The following CRYBG3 variants were observed in gnomAD, a reference collection of about 807,000 sequenced individuals.
CRYBG3 encodes the protein very large A-kinase anchor protein.
In CRYBG3, 127 loss-of-function variants were observed where a neutral mutation model predicts 244.2. The observed-to-expected ratio is 0.52, with a 90% CI of 0.45 to 0.60. The LOEUF is 0.60. CRYBG3 is among the 20% of genes least tolerant of loss of function. The pLI is 0.00. For missense variants in CRYBG3, 3,325 were observed against 3,442.5 expected (o/e 0.97, Z 0.85); for synonymous variants, 1,132 against 1,195.8 (o/e 0.95, Z 1.10).
At chr3:97,884,914 A>G (rs1485957229) in intron 7 of CRYBG3, among the ~76,000 whole-genome samples, 1 of 152,094 alleles carries the variant, frequency 6.6e-6, no homozygotes, top group Non-Finnish European at 1.5e-5. Context: ...TTTCCCTTTT[A>G]GAGTACACCA....
At chr3:97,867,321 GCTTT>G (rs1302934868) in intron 3 of CRYBG3, among the ~76,000 whole-genome samples, 8 of 152,134 alleles carry the variant, frequency 5.3e-5, no homozygotes, top group Non-Finnish European at 5.9e-5. Flanking sequence ...AACCTGTTAT[GCTTT>G]GAAGAGAGTG....
intron 4 of CRYBG3, among the ~76,000 whole-genome samples, chr3:97,878,708 A>G (rs2039412570): frequency 6.6e-6 from 1 of 152,222 alleles, no homozygotes; most frequent in South Asian, 2.1e-4. Flanking sequence ...TTCATGAAAA[A>G]TCTTTCTGTT....
rs763735726 is a variant in CRYBG3 at position 97,877,303 on chromosome 3, C to CACA, written c.6109_6110insACA (p.Leu2037delinsHisMet). ...TACGTCCGCTGACAGCATGCCTGTT[C>CACA]TGGCATGTGAAAGGTCTGAGAGTAG... On this transcript the variant is annotated protein_altering_variant, in exon 4 of 22. Transcript: ENST00000389622. 2 of 1,614,096 alleles carry CACA rather than the reference C, an allele frequency of 1.2e-6. No individual in the cohort carries two copies. Among genetic ancestry groups the CACA allele is most frequent in the South Asian group, 2.2e-5 (2 of 91,068 alleles).
At position 97,872,833 on chromosome 3, in the gene CRYBG3, G is replaced by C; in HGVS notation, c.1639G>C (p.Ala547Pro). 1.3e-6 allele frequency: 2 copies of C among 1,535,908 alleles called. No individual in the cohort carries two copies. The highest frequency in any genetic ancestry group is 1.7e-6 in the Non-Finnish European group (2 of 1,146,802). Reference sequence around the variant, plus strand: ...ATCCATAGCTTCAAGTCATGTAAAAGCTCCAGAAGATAAAATTGAGTCATT... The same window carrying C: ...ATCCATAGCTTCAAGTCATGTAAAACCTCCAGAAGATAAAATTGAGTCATT... Reference protein sequence around the residue: ...GESIASSHVKAPEDKIESLPK... With the variant: ...GESIASSHVKPPEDKIESLPK... The change falls in exon 4 of 22, where the codon GCT becomes CCT. Residue 547 changes from alanine to proline, a missense_variant. Physicochemically the swap from Ala to Pro is conservative, Grantham distance 27. Transcript: ENST00000389622.
chr3:97,844,139 A>C (rs1467637526), intron 2 of CRYBG3, among the ~76,000 whole-genome samples: 2 of 152,170 alleles, frequency 1.3e-5, no homozygotes, highest in Non-Finnish European at 2.9e-5. Context: ...AAGTTGTTTT[A>C]ATTCTTTATT....
chr3:97,847,946 G>T (rs1397983322), intron 2 of CRYBG3, among the ~76,000 whole-genome samples: 2 of 152,076 alleles, frequency 1.3e-5, no homozygotes, highest in African/African-American at 4.8e-5. Context: ...TTATTACAAA[G>T]AACCGCATTT....
intron 21 of CRYBG3, chr3:97,942,657 G>A: frequency 4.6e-6 from 2 of 430,986 alleles, no homozygotes; most frequent in South Asian, 1.1e-4. Context: ...CATTAGTACA[G>A]TTGTAAAACT....
At chr3:97,847,124 C>T (rs1275922119) in intron 2 of CRYBG3, among the ~76,000 whole-genome samples, 1 of 152,122 alleles carries the variant, frequency 6.6e-6, no homozygotes, top group East Asian at 1.9e-4. Context: ...AAGGACACCA[C>T]AAAGCCATCC....
At chr3:97,898,820 A>G (rs1269716978) in intron 12 of CRYBG3, 63 bp from the exon 13 acceptor site, 1 of 1,206,500 alleles carries the variant, frequency 8.3e-7, no homozygotes, top group Non-Finnish European at 1.2e-6. Context: ...ATTTTGCTAG[A>G]TAATAGCAGT....
At position 97,864,495 on chromosome 3, in the gene CRYBG3, C is replaced by G; in HGVS notation, c.495C>G (p.Asp165Glu). 1.3e-6 allele frequency: 2 copies of G among 1,535,876 alleles called. No individual in the cohort carries two copies. The highest frequency in any genetic ancestry group is 1.2e-5 in the South Asian group (1 of 84,048). The stretch of plus-strand genomic sequence containing the variant: ...AAAATCCCAGTGACCATCATGAAGA[C>G]GGGATCAAAAGGGAGAGAGAGATTT... ...DLQNPSDHHE[D>E]GIKREREIFS... Residue 165 changes from aspartate to glutamate, a missense_variant, in exon 3 of 22, where the codon GAC becomes GAG. Physicochemically the swap from Asp to Glu is conservative, Grantham distance 45 (BLOSUM62 2). Around this residue, in one of 4 missense-constraint regions of CRYBG3, gnomAD observed 1,526 missense variants for 1,443.2 expected, o/e 1.06. Transcript: ENST00000389622.
intron 2 of CRYBG3, among the ~76,000 whole-genome samples, chr3:97,859,346 G>T (rs185544454): frequency 2.2e-4 from 33 of 152,232 alleles, no homozygotes; most frequent in African/African-American, 7.5e-4. Flanking sequence ...GGGCAACATT[G>T]TCTACATGTT....
In CRYBG3 at chr3:97,856,679, T is replaced by G. The variant is rs544807854; in HGVS notation, c.217-7538T>G. On this transcript the variant is annotated intron_variant, in intron 2 of 21. Transcript: ENST00000389622. ...CATCCAGGAATGTATTCATTTCCTC[T>G]AGGTTTTTTTTGTTTGTTGGTGTAT... Among the ~76,000 whole-genome samples, 11 of 152,318 alleles carry G rather than the reference T, an allele frequency of 7.2e-5. No individual in the cohort carries two copies. In the South Asian group the frequency reaches 2.1e-3, roughly 29 times the overall value.
intron 3 of CRYBG3, chr3:97,867,211 C>T (rs1376445821): frequency 6.9e-6 from 1 of 145,566 alleles, no homozygotes; most frequent in Non-Finnish European, 1.6e-5. Context: ...GAAGGAGAAA[C>T]AAGTGATTTT....
chr3:97,876,667 T>G lies in CRYBG3; in HGVS notation c.5473T>G (p.Cys1825Gly). 4.9e-6 allele frequency: 6 copies of G among 1,236,996 alleles called. No homozygotes were observed. The highest frequency in any genetic ancestry group is 6.1e-6 in the Non-Finnish European group (6 of 991,272). 76.6% of individuals were successfully genotyped at this position (1,236,996 alleles called of 1,614,324 possible). ...APAPLEMEKA[C>G]KRDVKETIGA... The stretch of plus-strand genomic sequence containing the variant: ...TGCCCCCTTAGAAATGGAAAAAGCA[T>G]GCAAGAGAGATGTTAAAGAGACTAT... The change falls in exon 4 of 22, where the codon TGC (cysteine) becomes GGC (glycine). Residue 1825 changes from cysteine to glycine, a missense_variant. By Grantham distance (159) the Cys-to-Gly change is radical (BLOSUM62 -3). Transcript: ENST00000389622.
At chr3:97,833,453 A>G (rs1412892752) in intron 1 of CRYBG3, among the ~76,000 whole-genome samples, 1 of 152,190 alleles carries the variant, frequency 6.6e-6, no homozygotes, top group Non-Finnish European at 1.5e-5. Context: ...TCAGCAAACT[A>G]TCACAAGAAC....
chr3:97,839,072 C>G (rs1041145554), intron 1 of CRYBG3, among the ~76,000 whole-genome samples: 1 of 152,046 alleles, frequency 6.6e-6, no homozygotes, highest in South Asian at 2.1e-4. Context: ...TTTATTTGTG[C>G]GTACATGTGA....
At chr3:97,836,161 G>A (rs2038730227) in intron 1 of CRYBG3, among the ~76,000 whole-genome samples, 1 of 152,022 alleles carries the variant, frequency 6.6e-6, no homozygotes, top group Admixed American at 6.6e-5. Context: ...TAGAGAAAAG[G>A]AGTGTCAGAA....
chr3:97,915,818 A>G, intron 17 of CRYBG3, 82 bp downstream of exon 17: 1 of 1,073,890 alleles, frequency 9.3e-7, no homozygotes, highest in Non-Finnish European at 1.3e-6. Context: ...GTGAAGTTGG[A>G]AGAAATGATA....
rs780519566 is a variant in CRYBG3 at position 97,872,620 on chromosome 3, G to A, written c.1426G>A (p.Asp476Asn). Residue 476 changes from aspartate (D) to asparagine (N), a missense_variant, in exon 4 of 22, where the codon GAC becomes AAC. This residue lies in a region of CRYBG3 where 1,526 missense variants were observed against 1,443.2 expected (regional missense o/e 1.06). Coordinates refer to ENST00000389622, the MANE Select transcript of CRYBG3 (RefSeq NM_153605.4). ...GCAGTTGCCAGAGAGTGAGTGTTCT[G>A]ACAAGCAAACCATAGATAGCTCATC... Reference protein sequence around the residue: ...HLQLPESECSDKQTIDSSSKQ... With the variant: ...HLQLPESECSNKQTIDSSSKQ... 4 of 1,535,930 alleles carry A rather than the reference G, an allele frequency of 2.6e-6. No individual in the cohort carries two copies. In the South Asian group the frequency reaches 3.6e-5, roughly 14 times the overall value.
Sources: gnomAD v4.1 joint callset for allele counts (sites outside exome capture counted in the v4.1 genomes callset) on GRCh38, gnomAD v4.1.1 for gene constraint, gnomAD v4.1.1 regional missense constraint, MANE v1.5 for transcripts, NCBI Gene and HGNC (gene_info 2026-07-23, HGNC 2026-07-21) for gene names.